The following VCAN variants were observed in gnomAD, a reference collection of about 807,000 sequenced individuals.
The protein encoded by VCAN is versican core protein.
VCAN carries 44 observed loss-of-function variants against 245.5 expected under a neutral mutation model. The ratio of observed to expected loss-of-function variants is 0.18; its 90% CI spans 0.14 to 0.23. The LOEUF is 0.23. VCAN is among the 10% of genes least tolerant of loss of function. The pLI, the probability that VCAN is intolerant of heterozygous loss-of-function variation, is 1.00. For missense variants in VCAN, 3,793 were observed against 4,057.9 expected (o/e 0.93, Z 1.77); for synonymous variants, 1,413 against 1,437.0 (o/e 0.98, Z 0.38).
intron 12 of VCAN, among the ~76,000 whole-genome samples, chr5:83,570,481 A>AT (rs954157996): frequency 2.0e-4 from 31 of 152,166 alleles, no homozygotes; most frequent in East Asian, 3.9e-4. Flanking sequence ...AAAGATCTAA[A>AT]TTTTTTTTAC....
At chr5:83,506,243 T>G (rs1745480549) in intron 5 of VCAN, among the ~76,000 whole-genome samples, 2 of 152,230 alleles carry the variant, frequency 1.3e-5, no homozygotes, top group South Asian at 4.1e-4. Context: ...TACTGCATAG[T>G]CAGGCTGCAA....
chr5:83,508,579 G>A (rs1745549885), intron 5 of VCAN, among the ~76,000 whole-genome samples: 1 of 152,144 alleles, frequency 6.6e-6, no homozygotes, highest in Non-Finnish European at 1.5e-5. Context: ...TTATGATTTA[G>A]GAAGGCTTAA....
chr5:83,553,904 C>G (rs1358416382), intron 11 of VCAN, among the ~76,000 whole-genome samples: 1 of 152,178 alleles, frequency 6.6e-6, no homozygotes, highest in Non-Finnish European at 1.5e-5. Context: ...TCTAAAATTA[C>G]AGTTGTTTTC....
intron 1 of VCAN, among the ~76,000 whole-genome samples, chr5:83,478,123 A>C (rs578049942): frequency 2.0e-5 from 3 of 152,032 alleles, no homozygotes; most frequent in African/African-American, 7.2e-5. Flanking sequence ...TCGTGTTTTT[A>C]GTAGAGTGGG....
At position 83,493,854 on chromosome 5, in the gene VCAN, A is replaced by C. The variant is rs1323452309; in HGVS notation, c.671A>C (p.Lys224Thr). 1.2e-6 allele frequency: 2 copies of C among 1,614,030 alleles called. No individual in the cohort carries two copies. Among genetic ancestry groups the C allele is most frequent in the East Asian group, 2.2e-5 (1 of 44,902 alleles). The change falls in exon 5 of 15, where the codon AAG becomes ACG. Residue 224 changes from lysine (K) to threonine (T), a missense_variant. Lys to Thr is a moderately conservative substitution (Grantham distance 78). Coordinates refer to ENST00000265077, the MANE Select transcript of VCAN (RefSeq NM_004385.5). ...GGCTGTTATGGAGATAAGATGGGAAAGGCAGGAGTCAGGACTTATGGATTC... is the reference window on the plus strand; with the variant it reads ...GGCTGTTATGGAGATAAGATGGGAACGGCAGGAGTCAGGACTTATGGATTC... Reference protein sequence around the residue: ...RVGCYGDKMGKAGVRTYGFRS... With the variant: ...RVGCYGDKMGTAGVRTYGFRS...
chr5:83,577,926 A>T (rs1293654427), intron 13 of VCAN, among the ~76,000 whole-genome samples: 1 of 152,196 alleles, frequency 6.6e-6, no homozygotes, highest in African/African-American at 2.4e-5. Context: ...CTTCATATTT[A>T]GTTTTAGAAG....
chr5:83,572,331 C>T, intron 12 of VCAN, 85 bp from the exon 13 acceptor site: 1 of 1,513,632 alleles, frequency 6.6e-7, no homozygotes. Flanking sequence ...GAGTCTATTC[C>T]AATTAGATTG....
intron 8 of VCAN, among the ~76,000 whole-genome samples, chr5:83,544,362 T>C (rs960157272): frequency 2.0e-5 from 3 of 152,236 alleles, no homozygotes; most frequent in Non-Finnish European, 2.9e-5. Flanking sequence ...TCCAGGTTTA[T>C]AGTCATTCAG....
intron 9 of VCAN, 78 bp from the exon 10 acceptor site, chr5:83,547,893 A>G: frequency 2.1e-6 from 2 of 946,620 alleles, no homozygotes; most frequent in Non-Finnish European, 3.2e-6. Flanking sequence ...CTTGTATGTT[A>G]TCTTGCAACC....
At chr5:83,482,516 A>G (rs1167203597) in intron 1 of VCAN, among the ~76,000 whole-genome samples, 1 of 152,238 alleles carries the variant, frequency 6.6e-6, no homozygotes, top group Non-Finnish European at 1.5e-5. Context: ...ATGGAACCAG[A>G]GTTGTGTTAG....
intron 13 of VCAN, among the ~76,000 whole-genome samples, chr5:83,579,233 T>TTTTG (rs558445739): frequency 4.5e-4 from 65 of 143,958 alleles, no homozygotes; most frequent in Non-Finnish European, 7.6e-4. Flanking sequence ...TTGTAAGGTT[T>TTTTG]TTTGTTTGTT....
intron 8 of VCAN, among the ~76,000 whole-genome samples, chr5:83,544,615 C>T (rs1035092265): frequency 3.9e-5 from 6 of 152,104 alleles, no homozygotes; most frequent in Non-Finnish European, 8.8e-5. Flanking sequence ...ACTTTCAACT[C>T]TCATTTGGAT....
chr5:83,508,593 G>C (rs989718155), intron 5 of VCAN, among the ~76,000 whole-genome samples: 8 of 152,150 alleles, frequency 5.3e-5, no homozygotes, highest in Non-Finnish European at 1.0e-4. Flanking sequence ...GGCTTAAATA[G>C]TTATTTTTTA....
At chr5:83,506,397 A>T (rs1403062582) in intron 5 of VCAN, among the ~76,000 whole-genome samples, 2 of 152,178 alleles carry the variant, frequency 1.3e-5, no homozygotes, top group Non-Finnish European at 2.9e-5. Flanking sequence ...AAGTTCCACA[A>T]ATCTCTAGGG....
intron 8 of VCAN, among the ~76,000 whole-genome samples, chr5:83,543,380 AAT>A (rs1747077896): frequency 6.6e-6 from 1 of 152,188 alleles, no homozygotes; most frequent in African/African-American, 2.4e-5. Context: ...CTTGGTTGAG[AAT>A]ATATGTTTTA....
chr5:83,489,355 C>T (rs937297554), intron 2 of VCAN, among the ~76,000 whole-genome samples: 2 of 152,152 alleles, frequency 1.3e-5, no homozygotes, highest in African/African-American at 4.8e-5. Context: ...AAACTGTAGT[C>T]AATATATTCT....
At chr5:83,544,514 G>A (rs1038925296) in intron 8 of VCAN, among the ~76,000 whole-genome samples, 9 of 152,100 alleles carry the variant, frequency 5.9e-5, no homozygotes, top group African/African-American at 7.2e-5. Context: ...CTTCTTTCAT[G>A]TGTAATTATT....
chr5:83,574,931 C>G (rs1013089674), intron 13 of VCAN, among the ~76,000 whole-genome samples: 1 of 152,086 alleles, frequency 6.6e-6, no homozygotes, highest in South Asian at 2.1e-4. Context: ...GCACGCTGTA[C>G]AGACTTTTTC....
At chr5:83,557,860 G>C (rs1747731390) in intron 12 of VCAN, among the ~76,000 whole-genome samples, 1 of 152,086 alleles carries the variant, frequency 6.6e-6, no homozygotes, top group Admixed American at 6.6e-5. Flanking sequence ...AATGCACTGA[G>C]GGCCTCAGTT....
Sources: gnomAD v4.1 joint callset for allele counts (sites outside exome capture counted in the v4.1 genomes callset) on GRCh38, gnomAD v4.1.1 for gene constraint, MANE v1.5 for transcripts, NCBI Gene and HGNC (gene_info 2026-07-23, HGNC 2026-07-21) for gene names.